Variants in SPTBN1 observed in about 807,000 individuals in gnomAD.
SPTBN1 encodes the protein spectrin beta, non-erythrocytic 1.
SPTBN1 carries 32 observed loss-of-function variants against 266.4 expected under a neutral mutation model. That is an observed-to-expected ratio of 0.12 (90% confidence interval 0.09 to 0.16). The LOEUF (loss-of-function observed/expected upper bound fraction) is 0.16, where lower values mean the gene tolerates loss of function less well. Among genes scored for constraint, SPTBN1 ranks in the 10% least tolerant of loss-of-function variants. SPTBN1 has a pLI of 1.00. For synonymous variants in SPTBN1, 1,336 were observed against 1,162.2 expected, an observed-to-expected ratio of 1.15 and a Z score of -3.04; for missense variants, 2,296 against 3,067.1, an observed-to-expected ratio of 0.75 and a Z score of 5.94.
chr2:54,538,783 T>C (rs1238937716), intron 2 of SPTBN1, among the ~76,000 whole-genome samples: 1 of 152,218 alleles, frequency 6.6e-6, no homozygotes, highest in Non-Finnish European at 1.5e-5. Flanking sequence ...TTAGACTTTT[T>C]GAACATGTAT....
Position 54,646,994 on chromosome 2 carries a change from A to G in SPTBN1, c.4867-137A>G. The G allele has an allele frequency of 8.0e-7, 1 of 1,257,650 alleles. No homozygotes were observed. Among genetic ancestry groups the G allele is most frequent in the Non-Finnish European group, 1.1e-6 (1 of 913,012 alleles). 77.9% of individuals were successfully genotyped at this position (1,257,650 alleles called of 1,614,324 possible). A position where few individuals can be genotyped will look rare whatever the true frequency, so the allele number is the denominator to read the frequency against. On this transcript the variant is annotated intron_variant, in intron 23 of 35. Transcript: ENST00000356805. This position sits in a 1 kb window ranked among gnomAD's most constrained non-coding sequence, Gnocchi z 4.4. ...AGCTCTTGGAACACTTCTGTGTTCC[A>G]CTGTCCGTACTGCACCTCTGGAGTT... is the stretch of plus-strand genomic sequence containing the variant.
In SPTBN1 at chr2:54,617,707, T is replaced by A; in HGVS notation, c.647+19T>A. 1 of 1,612,148 alleles carries A rather than the reference T, an allele frequency of 6.2e-7. No homozygotes were observed. Among genetic ancestry groups the A allele is most frequent in the Non-Finnish European group, 8.5e-7 (1 of 1,178,560 alleles). Reference sequence around the variant, plus strand: ...AACACCGGTAAGTCCATACAAATCATCCTAGCAATCGTGGGGTAAAAGGTT... The same window carrying A: ...AACACCGGTAAGTCCATACAAATCAACCTAGCAATCGTGGGGTAAAAGGTT... On this transcript the variant is annotated intron_variant, in intron 6 of 35. Transcript: ENST00000356805.
At chr2:54,630,239 C>G (rs1343801265) in intron 15 of SPTBN1, among the ~76,000 whole-genome samples, 1 of 152,248 alleles carries the variant, frequency 6.6e-6, no homozygotes, top group Non-Finnish European at 1.5e-5. Context: ...GGAGGATTAT[C>G]TGAGTCAGCC....
At chr2:54,552,009 C>A (rs1206814458) in intron 2 of SPTBN1, among the ~76,000 whole-genome samples, 1 of 152,098 alleles carries the variant, frequency 6.6e-6, no homozygotes, top group Non-Finnish European at 1.5e-5. Flanking sequence ...TTTCCCAGTG[C>A]ATAATGGGCT....
Position 54,632,737 on chromosome 2 carries a change from A to T in SPTBN1, c.3736A>T (p.Ile1246Phe), listed in dbSNP as rs1237112759. Reference sequence around the variant, plus strand: ...CGATGGGAACATCAACTCAGATCGCATCCAGGAGAAGGTGGACTCTATTGA... The same window carrying T: ...CGATGGGAACATCAACTCAGATCGCTTCCAGGAGAAGGTGGACTCTATTGA... ...VSDGNINSDR[I>F]QEKVDSIDDR... Residue 1246 changes from isoleucine to phenylalanine, a missense_variant, in exon 17 of 36, where the codon ATC becomes TTC. Physicochemically the swap from Ile to Phe is conservative, Grantham distance 21. Coordinates refer to ENST00000356805, the MANE Select transcript of SPTBN1 (RefSeq NM_003128.3). 1 of 1,614,122 alleles carries T rather than the reference A, an allele frequency of 6.2e-7. No individual in the cohort carries two copies. The highest frequency in any genetic ancestry group is 1.7e-5 in the Admixed American group (1 of 60,010).
chr2:54,567,030 A>G (rs949572591), intron 2 of SPTBN1, among the ~76,000 whole-genome samples: 1 of 152,226 alleles, frequency 6.6e-6, no homozygotes, highest in Non-Finnish European at 1.5e-5. Context: ...ATATTTATTG[A>G]TTACCTGCTT....
At position 54,664,534 on chromosome 2, in the gene SPTBN1, C is replaced by T; in HGVS notation, c.6502C>T (p.Pro2168Ser). The T allele has an allele frequency of 6.2e-7, 1 of 1,614,176 alleles. No homozygotes were observed. The highest frequency in any genetic ancestry group is 8.5e-7 in the Non-Finnish European group (1 of 1,180,030). ...RTSSKESSPI[P>S]SPTSDRKAKT... Reference sequence around the variant, plus strand: ...GAGCTCTAAAGAGTCCAGCCCCATCCCCTCCCCGACCTCTGATCGTAAAGC... The same window carrying T: ...GAGCTCTAAAGAGTCCAGCCCCATCTCCTCCCCGACCTCTGATCGTAAAGC... The change falls in exon 33 of 36, where the codon CCC becomes TCC. Residue 2168 changes from proline to serine, a missense_variant. Physicochemically the swap from Pro to Ser is moderately conservative, Grantham distance 74. This residue lies in a region of SPTBN1 where 347 missense variants were observed against 368.5 expected (regional missense o/e 0.94). Transcript: ENST00000356805. This position sits in a 1 kb window ranked among gnomAD's most constrained non-coding sequence, Gnocchi z 5.6.
intron 1 of SPTBN1, among the ~76,000 whole-genome samples, chr2:54,488,564 A>AAGTGTAAGCTTTGAGAATGAT (rs1668528078): frequency 6.6e-6 from 1 of 152,152 alleles, no homozygotes; most frequent in Non-Finnish European, 1.5e-5. Flanking sequence ...CACACAGGCT[A>AAGTGTAAGCTTTGAGAATGAT]AGTGTAAGCT....
At chr2:54,513,939 C>T (rs922012682) in intron 1 of SPTBN1, among the ~76,000 whole-genome samples, 2 of 152,120 alleles carry the variant, frequency 1.3e-5, no homozygotes, top group African/African-American at 4.8e-5. Flanking sequence ...CAATATTCAG[C>T]TGATTTTTCA....
chr2:54,659,271 G>A lies in SPTBN1; in HGVS notation c.6356+5G>A. 6.2e-7 allele frequency: 1 copy of A among 1,613,964 alleles called. No homozygotes were observed. Reference sequence around the variant, plus strand: ...AGCCGAGTCCCAGCAGCAGTGGTGAGTCCCAGCAGCTCCAGAGGCTGGACC... The same window carrying A: ...AGCCGAGTCCCAGCAGCAGTGGTGAATCCCAGCAGCTCCAGAGGCTGGACC... On this transcript the variant is annotated splice_donor_5th_base_variant and intron_variant, in intron 31 of 35. Coordinates refer to ENST00000356805, the MANE Select transcript of SPTBN1 (RefSeq NM_003128.3).
At chr2:54,507,018 G>C (rs1216318888) in intron 1 of SPTBN1, among the ~76,000 whole-genome samples, 1 of 151,848 alleles carries the variant, frequency 6.6e-6, no homozygotes, top group Admixed American at 6.6e-5. Flanking sequence ...TGGAATAGGC[G>C]GTGGAGTTAA....
chr2:54,461,209 A>G (rs1467965400), intron 1 of SPTBN1, among the ~76,000 whole-genome samples: 1 of 152,236 alleles, frequency 6.6e-6, no homozygotes, highest in Non-Finnish European at 1.5e-5. Context: ...CAACAAAATT[A>G]TACTTTATGT....
At chr2:54,591,980 C>A (rs1047177208) in intron 2 of SPTBN1, among the ~76,000 whole-genome samples, 3 of 151,928 alleles carry the variant, frequency 2.0e-5, no homozygotes, top group African/African-American at 7.3e-5. Flanking sequence ...TCAGCCTGGG[C>A]AATCTAATGA....
In SPTBN1 at chr2:54,630,852, C is replaced by T. The variant is rs1488185784; in HGVS notation, c.2808-3C>T. The T allele has an allele frequency of 6.4e-7, 1 of 1,566,862 alleles. No individual in the cohort carries two copies. The highest frequency in any genetic ancestry group is 8.7e-7 in the Non-Finnish European group (1 of 1,154,622). On this transcript the variant is annotated splice_polypyrimidine_tract_variant and splice_region_variant and intron_variant, in intron 15 of 35. Coordinates refer to ENST00000356805, the MANE Select transcript of SPTBN1 (RefSeq NM_003128.3). Reference sequence around the variant, plus strand: ...CACTCGCTGTCTGCCCCTGCACTCACAGGTGGAGCCAGTTCAGAGAACTGG... The same window carrying T: ...CACTCGCTGTCTGCCCCTGCACTCATAGGTGGAGCCAGTTCAGAGAACTGG...
At chr2:54,651,926 A>G (rs1680315176) in intron 26 of SPTBN1, among the ~76,000 whole-genome samples, 1 of 151,952 alleles carries the variant, frequency 6.6e-6, no homozygotes, top group Non-Finnish European at 1.5e-5. Flanking sequence ...TTCTTTTTTA[A>G]CCTGTTATCA....
chr2:54,614,076 ATGCTGATGTGTATTTTC>A (rs1260883779), intron 4 of SPTBN1, among the ~76,000 whole-genome samples: 1 of 152,190 alleles, frequency 6.6e-6, no homozygotes, highest in African/African-American at 2.4e-5. Flanking sequence ...CAACTTGTAA[ATGCTGATGTGTATTTTC>A]TCCCTTTCTG....
chr2:54,541,332 C>T (rs1671924924), intron 2 of SPTBN1, among the ~76,000 whole-genome samples: 1 of 152,188 alleles, frequency 6.6e-6, no homozygotes. Flanking sequence ...TACTCATTGT[C>T]TCCAAGCATT....
rs191476404 is a variant in SPTBN1, at chr2:54,538,565, A to C, written c.148+11999A>C. Among the ~76,000 whole-genome samples the C allele has an allele frequency of 2.8e-3, 426 of 152,354 alleles. 3 individuals carry two copies. The highest frequency in any genetic ancestry group is 3.6e-3 in the Non-Finnish European group (248 of 68,038). ...CCTTTTCATCCTCTGGTTGAGAAAT[A>C]CATCTGTTTTCTACAATTCTTATTT... is the stretch of plus-strand genomic sequence containing the variant. On this transcript the variant is annotated intron_variant, in intron 2 of 35. Transcript: ENST00000356805.
chr2:54,609,420 A>G (rs1008065987), intron 3 of SPTBN1, among the ~76,000 whole-genome samples: 2 of 152,096 alleles, frequency 1.3e-5, no homozygotes, highest in African/African-American at 2.4e-5. Flanking sequence ...TCTGGACATC[A>G]TTTTCTTCAG....
Sources: gnomAD v4.1 joint callset for allele counts (sites outside exome capture counted in the v4.1 genomes callset) on GRCh38, gnomAD v4.1.1 for gene constraint, gnomAD v4.1.1 regional missense constraint, Gnocchi (gnomAD v3.1) non-coding constraint, MANE v1.5 for transcripts, NCBI Gene and HGNC (gene_info 2026-07-23, HGNC 2026-07-21) for gene names.